NRXN3: variants seen among roughly 807,000 people sequenced by gnomAD.
NRXN3 encodes neurexin 3.
Under a neutral mutation model 137.6 loss-of-function variants are expected in NRXN3, and 32 were observed. That is an observed-to-expected ratio of 0.23 (90% CI 0.18 to 0.31). The LOEUF is 0.31. Ranked by LOEUF, NRXN3 falls within the 10% of genes least tolerant of loss-of-function variation. The probability of loss-of-function intolerance (pLI) is 1.00; values close to 1 mark genes in which losing one functional copy is unlikely to be tolerated. For missense variants in NRXN3, 1,574 were observed against 2,062.5 expected (o/e 0.76, Z 4.59); for synonymous variants, 798 against 784.5 (o/e 1.02, Z -0.29).
chr14:79,155,450 T>C (rs2060178566), intron 15 of NRXN3, among the ~76,000 whole-genome samples: 1 of 151,920 alleles, frequency 6.6e-6, no homozygotes, highest in Non-Finnish European at 1.5e-5. Flanking sequence ...AATACCACCT[T>C]CACCGTTTTT....
At chr14:79,581,401 A>T (rs1044119682) in intron 16 of NRXN3, among the ~76,000 whole-genome samples, 4 of 152,088 alleles carry the variant, frequency 2.6e-5, no homozygotes, top group Non-Finnish European at 5.9e-5. Context: ...CCTGTTTTAA[A>T]TTTCCCAAGT....
At chr14:78,346,221 C>T (rs537082416) in intron 4 of NRXN3, among the ~76,000 whole-genome samples, 24 of 152,192 alleles carry the variant, frequency 1.6e-4, no homozygotes, top group Non-Finnish European at 2.9e-4. Flanking sequence ...GTCTTGACTG[C>T]GGCTCTTGCC....
intron 4 of NRXN3, among the ~76,000 whole-genome samples, chr14:78,413,712 T>G (rs1242805138): frequency 6.6e-6 from 1 of 152,126 alleles, no homozygotes; most frequent in Non-Finnish European, 1.5e-5. Flanking sequence ...GCAGCGTAAT[T>G]AGCAGCCAAC....
intron 15 of NRXN3, among the ~76,000 whole-genome samples, chr14:79,208,950 T>C (rs1283781997): frequency 6.6e-6 from 1 of 152,282 alleles, no homozygotes; most frequent in East Asian, 1.9e-4. Flanking sequence ...TTTTGTTTTT[T>C]TGTTTTGAGA....
chr14:79,345,436 C>T (rs2092820415), intron 15 of NRXN3, among the ~76,000 whole-genome samples: 1 of 152,118 alleles, frequency 6.6e-6, no homozygotes, highest in African/African-American at 2.4e-5. Flanking sequence ...TGACACAGCT[C>T]CTGTCCTCGG....
At chr14:79,018,309 G>C (rs1301389539) in intron 15 of NRXN3, among the ~76,000 whole-genome samples, 4 of 118,460 alleles carry the variant, frequency 3.4e-5, no homozygotes, top group Admixed American at 1.6e-4. Flanking sequence ...GAGAGAGCAA[G>C]AAGAGTGAAA....
intron 15 of NRXN3, among the ~76,000 whole-genome samples, chr14:79,427,979 C>A (rs2153545068): frequency 6.6e-6 from 1 of 152,208 alleles, no homozygotes; most frequent in African/African-American, 2.4e-5. Flanking sequence ...TTCCCACGTT[C>A]TGCACGTGTG....
chr14:78,343,288 A>G (rs1030350521), intron 4 of NRXN3, among the ~76,000 whole-genome samples: 4 of 152,194 alleles, frequency 2.6e-5, no homozygotes, highest in African/African-American at 9.6e-5. Flanking sequence ...GAATATCATA[A>G]TCTCACAGTT....
intron 15 of NRXN3, among the ~76,000 whole-genome samples, chr14:79,245,207 C>T (rs1214017562): frequency 6.6e-6 from 1 of 152,138 alleles, no homozygotes; most frequent in South Asian, 2.1e-4. Context: ...ATCTCTAGTT[C>T]CAGCACTGCT....
intron 4 of NRXN3, among the ~76,000 whole-genome samples, chr14:78,639,176 G>C (rs61976140): frequency 6.6e-6 from 1 of 152,194 alleles, no homozygotes; most frequent in African/African-American, 2.4e-5. Flanking sequence ...AGTAGCCCAC[G>C]TGTTTTTGTG....
At chr14:79,798,725 T>C (rs564209028) in intron 19 of NRXN3, among the ~76,000 whole-genome samples, 2 of 152,324 alleles carry the variant, frequency 1.3e-5, no homozygotes, top group South Asian at 4.1e-4. Context: ...AGGGTGGAAT[T>C]TGAAGTTACA....
At chr14:78,689,119 C>T (rs778323712) in intron 6 of NRXN3, among the ~76,000 whole-genome samples, 2 of 151,982 alleles carry the variant, frequency 1.3e-5, no homozygotes, top group Non-Finnish European at 2.9e-5. Context: ...GGTTGATGCT[C>T]TTTGTGTTTC....
At chr14:78,487,779 A>G (rs2095590162) in intron 4 of NRXN3, among the ~76,000 whole-genome samples, 1 of 151,642 alleles carries the variant, frequency 6.6e-6, no homozygotes, top group African/African-American at 2.4e-5. Flanking sequence ...AAATAAATAA[A>G]TAAATAAATA....
At chr14:79,002,210 T>C (rs1180586208) in intron 15 of NRXN3, among the ~76,000 whole-genome samples, 1 of 152,188 alleles carries the variant, frequency 6.6e-6, no homozygotes, top group Non-Finnish European at 1.5e-5. Context: ...GAAATGTGTA[T>C]ATGTATTTTT....
chr14:78,216,710 A>G (rs2063322007), intron 1 of NRXN3, among the ~76,000 whole-genome samples: 1 of 152,236 alleles, frequency 6.6e-6, no homozygotes, highest in African/African-American at 2.4e-5. Flanking sequence ...TTAAGACAAC[A>G]AAAATTTATT....
At chr14:79,370,765 T>G (rs2153434003) in intron 15 of NRXN3, among the ~76,000 whole-genome samples, 1 of 152,294 alleles carries the variant, frequency 6.6e-6, no homozygotes, top group Non-Finnish European at 1.5e-5. Flanking sequence ...TTTCTTCTTC[T>G]TTTCAATAAA....
intron 16 of NRXN3, among the ~76,000 whole-genome samples, chr14:79,569,157 T>A (rs188127055): frequency 1.3e-5 from 2 of 152,230 alleles, no homozygotes; most frequent in South Asian, 2.1e-4. Context: ...TAACTGCATT[T>A]TTTTTTCTTA....
Position 78,303,391 on chromosome 14 carries a change from T to C in NRXN3, c.757+5531T>C, listed in dbSNP as rs563263010. Among the ~76,000 whole-genome samples, 6 of 152,296 alleles carry C rather than the reference T, an allele frequency of 3.9e-5. No individual in the cohort carries two copies. The East Asian group carries it at 9.7e-4, about 25-fold the overall frequency. ...CGTTGAAGACAAATGTATTCATTTG[T>C]TAACATCCAGATGTGTCTAGCATAG... is the stretch of plus-strand genomic sequence containing the variant. On this transcript the variant is annotated intron_variant, in intron 4 of 20. Coordinates refer to ENST00000335750, the MANE Select transcript of NRXN3 (RefSeq NM_001330195.2).
At chr14:79,227,859 T>C (rs1056661401) in intron 15 of NRXN3, among the ~76,000 whole-genome samples, 2 of 136,810 alleles carry the variant, frequency 1.5e-5, no homozygotes, top group African/African-American at 5.3e-5. Context: ...CCTCCCTTCC[T>C]CTCTTTCTTC....
Sources: gnomAD v4.1 joint callset for allele counts (sites outside exome capture counted in the v4.1 genomes callset) on GRCh38, gnomAD v4.1.1 for gene constraint, MANE v1.5 for transcripts, NCBI Gene and HGNC (gene_info 2026-07-23, HGNC 2026-07-21) for gene names.